The following PAN3 variants were observed in gnomAD, a reference collection of about 807,000 sequenced individuals.
PAN3 encodes the protein poly(A) specific ribonuclease subunit PAN3.
Under a neutral mutation model 96.2 loss-of-function variants are expected in PAN3, and 19 were observed. The ratio of observed to expected loss-of-function variants is 0.20; its 90% CI spans 0.14 to 0.29. The LOEUF is 0.29. PAN3 is among the 10% of genes least tolerant of loss of function. PAN3 has a pLI of 1.00. For missense variants in PAN3, 882 were observed against 1,108.1 expected (o/e 0.80, Z 2.90); for synonymous variants, 433 against 406.6 (o/e 1.06, Z -0.78).
intron 17 of PAN3, among the ~76,000 whole-genome samples, chr13:28,284,762 C>T (rs1012866000): frequency 3.3e-5 from 5 of 152,142 alleles, no homozygotes; most frequent in African/African-American, 9.7e-5. Context: ...ATTTTGAAAT[C>T]TAGCAGTATT....
intron 1 of PAN3, among the ~76,000 whole-genome samples, chr13:28,174,036 A>G (rs1280262947): frequency 6.6e-6 from 1 of 152,202 alleles, no homozygotes; most frequent in African/African-American, 2.4e-5. Context: ...CCTGGGGGCT[A>G]TTTGGTGACT....
chr13:28,249,082 A>C (rs568312934), intron 6 of PAN3, among the ~76,000 whole-genome samples: 2 of 152,150 alleles, frequency 1.3e-5, no homozygotes, highest in African/African-American at 4.8e-5. Context: ...TTAAATTTTG[A>C]TGAAGCCTGA....
chr13:28,213,919 C>G (rs1880391526), intron 5 of PAN3, among the ~76,000 whole-genome samples: 1 of 152,000 alleles, frequency 6.6e-6, no homozygotes, highest in Non-Finnish European at 1.5e-5. Flanking sequence ...ATGAAAAAGA[C>G]CAACCAAAGT....
In PAN3 at chr13:28,292,368, A is replaced by G; in HGVS notation, c.2524-14A>G. ...ATGTTATGAATTTCATATTTTGTGT[A>G]TATATTGTTTCAGCTAGATGCTGGT... On this transcript the variant is annotated splice_polypyrimidine_tract_variant and intron_variant, in intron 18 of 18. Transcript: ENST00000380958. 1.9e-6 allele frequency: 3 copies of G among 1,586,128 alleles called. No homozygotes were observed. Among genetic ancestry groups the G allele is most frequent in the Non-Finnish European group, 2.6e-6 (3 of 1,167,712 alleles).
chr13:28,186,013 C>T (rs184970391), intron 4 of PAN3, among the ~76,000 whole-genome samples: 8 of 152,310 alleles, frequency 5.3e-5, no homozygotes, highest in Non-Finnish European at 7.4e-5. Context: ...CTAGCCTAAG[C>T]TCCAAATTAA....
At chr13:28,179,354 A>G (rs755044615) in intron 4 of PAN3, among the ~76,000 whole-genome samples, 4 of 152,224 alleles carry the variant, frequency 2.6e-5, no homozygotes, top group Non-Finnish European at 5.9e-5. Context: ...GGAGCTTTTT[A>G]TGGGAAAACA....
chr13:28,220,100 G>A (rs1184293821), intron 5 of PAN3, 131 bp from the exon 6 acceptor site: 27 of 896,662 alleles, frequency 3.0e-5, no homozygotes, highest in Non-Finnish European at 3.7e-5. Flanking sequence ...ATATGGAACC[G>A]AAAACACTTG....
At chr13:28,264,330 G>A (rs1011540856) in intron 9 of PAN3, among the ~76,000 whole-genome samples, 1 of 152,314 alleles carries the variant, frequency 6.6e-6, no homozygotes, top group African/African-American at 2.4e-5. Flanking sequence ...CTTGAGGTCA[G>A]AAGTTTGAGA....
At position 28,256,512 on chromosome 13, in the gene PAN3, C is replaced by G. The variant is rs756590271; in HGVS notation, c.1221C>G (p.Asp407Glu). 1.2e-6 allele frequency: 2 copies of G among 1,613,916 alleles called. No homozygotes were observed. The highest frequency in any genetic ancestry group is 1.7e-6 in the Non-Finnish European group (2 of 1,179,874). ...GTGGGACGACTTACTTCTATACAGA[C>G]ACAACTCCAGCACCTTTGACTGGAA... ...TVGGTTYFYT[D>E]TTPAPLTGMV... The change falls in exon 7 of 19, where the codon GAC becomes GAG. Residue 407 changes from aspartate to glutamate, a missense_variant. By Grantham distance (45) the Asp-to-Glu change is conservative (BLOSUM62 2). Transcript: ENST00000380958.
intron 6 of PAN3, among the ~76,000 whole-genome samples, chr13:28,234,499 G>A (rs1882897220): frequency 6.6e-6 from 1 of 152,104 alleles, no homozygotes; most frequent in African/African-American, 2.4e-5. Context: ...GGTAACAAGG[G>A]TTTTAAACTG....
chr13:28,272,088 A>G lies in PAN3; in HGVS notation c.2049+17A>G, dbSNP rs1487349521. 2 of 1,455,476 alleles carry G rather than the reference A, an allele frequency of 1.4e-6. No homozygotes were observed. Among genetic ancestry groups the G allele is most frequent in the Non-Finnish European group, 9.5e-7 (1 of 1,057,902 alleles). The allele number at this position is 1,455,476 out of a possible 1,614,324, so 90.2% of individuals were successfully genotyped here. ...CAGTACCAGGTGAGTAAGAATTAAC[A>G]TGGATATTTACTTGTTTTCCTTTAT... On this transcript the variant is annotated intron_variant, in intron 14 of 18. Coordinates refer to ENST00000380958, the MANE Select transcript of PAN3 (RefSeq NM_175854.8).
chr13:28,222,917 G>A (rs1246913400), intron 6 of PAN3, among the ~76,000 whole-genome samples: 1 of 152,020 alleles, frequency 6.6e-6, no homozygotes, highest in Non-Finnish European at 1.5e-5. Context: ...GTAAACTAGG[G>A]TAACATCATT....
At chr13:28,264,821 G>A (rs1434778641) in intron 9 of PAN3, among the ~76,000 whole-genome samples, 1 of 152,136 alleles carries the variant, frequency 6.6e-6, no homozygotes, top group Non-Finnish European at 1.5e-5. Context: ...CAGAAACTCG[G>A]GGAATGGGGC....
intron 6 of PAN3, among the ~76,000 whole-genome samples, chr13:28,223,862 T>A (rs1881680951): frequency 6.8e-6 from 1 of 147,880 alleles, no homozygotes; most frequent in Non-Finnish European, 1.5e-5. Flanking sequence ...TTTTGTGCCA[T>A]GAAAAGTGAT....
intron 6 of PAN3, among the ~76,000 whole-genome samples, chr13:28,251,455 G>C (rs982092059): frequency 2.8e-4 from 42 of 152,028 alleles, no homozygotes; most frequent in Admixed American, 9.8e-4. Flanking sequence ...TTCCAAAGCA[G>C]GTCGAGTATT....
chr13:28,176,878 T>C (rs1875085380), intron 3 of PAN3, among the ~76,000 whole-genome samples: 1 of 151,828 alleles, frequency 6.6e-6, no homozygotes, highest in African/African-American at 2.4e-5. Context: ...ATAAGTTATA[T>C]ACAAAAATTT....
intron 18 of PAN3, among the ~76,000 whole-genome samples, chr13:28,289,664 G>A (rs920533744): frequency 3.3e-5 from 5 of 152,106 alleles, no homozygotes; most frequent in Non-Finnish European, 5.9e-5. Flanking sequence ...GGCGGATCAC[G>A]AGGTCAGGAG....
intron 5 of PAN3, among the ~76,000 whole-genome samples, chr13:28,213,357 A>C (rs1399890395): frequency 6.6e-6 from 1 of 152,156 alleles, no homozygotes; most frequent in Non-Finnish European, 1.5e-5. Context: ...GAGGATACTG[A>C]AAAACCACCG....
intron 6 of PAN3, among the ~76,000 whole-genome samples, chr13:28,245,003 C>T (rs1194514844): frequency 6.6e-6 from 1 of 152,054 alleles, no homozygotes; most frequent in Non-Finnish European, 1.5e-5. Context: ...CATGCGTCAC[C>T]ACGCCCGGCT....
Sources: gnomAD v4.1 joint callset for allele counts (sites outside exome capture counted in the v4.1 genomes callset) on GRCh38, gnomAD v4.1.1 for gene constraint, MANE v1.5 for transcripts, NCBI Gene and HGNC (gene_info 2026-07-23, HGNC 2026-07-21) for gene names.